Variants in TDRD1 observed in about 807,000 individuals in gnomAD.
TDRD1 encodes the protein tudor domain-containing protein 1.
TDRD1 carries 37 observed loss-of-function variants against 140.6 expected under a neutral mutation model. The observed-to-expected ratio is 0.26, with a 90% CI of 0.20 to 0.35. The LOEUF is 0.35. TDRD1 is among the 10% of genes least tolerant of loss of function. The probability of loss-of-function intolerance (pLI) is 1.00; values close to 1 mark genes in which losing one functional copy is unlikely to be tolerated. For synonymous variants in TDRD1, 506 were observed against 475.7 expected (o/e 1.06, Z -0.83); for missense variants, 1,243 against 1,393.0 (o/e 0.89, Z 1.71).
chr10:114,229,966 G>A (rs1209230438), intron 25 of TDRD1, among the ~76,000 whole-genome samples: 2 of 151,998 alleles, frequency 1.3e-5, no homozygotes, highest in Non-Finnish European at 2.9e-5. Context: ...AAGTAGCTGG[G>A]ACTATAGGTG....
At chr10:114,192,829 A>G (rs998440756) in intron 3 of TDRD1, among the ~76,000 whole-genome samples, 1 of 152,200 alleles carries the variant, frequency 6.6e-6, no homozygotes, top group East Asian at 1.9e-4. Flanking sequence ...AGTACCACAC[A>G]GTCTTGATTC....
At chr10:114,188,654 C>G (rs945524523) in intron 2 of TDRD1, among the ~76,000 whole-genome samples, 1 of 152,012 alleles carries the variant, frequency 6.6e-6, no homozygotes, top group Non-Finnish European at 1.5e-5. Context: ...GTCAGGAGTT[C>G]GAGACCAGCT....
chr10:114,179,692 A>G (rs917338861), intron 1 of TDRD1: 1 of 152,244 alleles, frequency 6.6e-6, no homozygotes, highest in East Asian at 1.9e-4. Flanking sequence ...ATGTGGATTC[A>G]GTGCCTTCGT....
Position 114,227,069 on chromosome 10 carries a change from C to A in TDRD1, c.3176-3C>A. 1 of 1,434,826 alleles carries A rather than the reference C, an allele frequency of 7.0e-7. No individual in the cohort carries two copies. Among genetic ancestry groups the A allele is most frequent in the Non-Finnish European group, 9.7e-7 (1 of 1,030,368 alleles). 88.9% of individuals were successfully genotyped at this position (1,434,826 alleles called of 1,614,324 possible). A position where few individuals can be genotyped will look rare whatever the true frequency, so the allele number is the denominator to read the frequency against. On this transcript the variant is annotated splice_polypyrimidine_tract_variant and splice_region_variant and intron_variant, in intron 22 of 25. Coordinates refer to ENST00000251864, the Ensembl canonical transcript of TDRD1. ...AAAAGACTATAATATCTATTTTTTC[C>A]AGGATTAATGGAATTGAATGGAAGC...
chr10:114,195,407 T>C (rs2034274664), intron 3 of TDRD1, among the ~76,000 whole-genome samples: 2 of 152,202 alleles, frequency 1.3e-5, no homozygotes, highest in African/African-American at 4.8e-5. Flanking sequence ...TCTAGTCATG[T>C]CAATTGTTGA....
In TDRD1 at chr10:114,226,285, C is replaced by T. The variant is rs1312562919; in HGVS notation, c.3175+69C>T. On this transcript the variant is annotated intron_variant, in intron 22 of 25. Coordinates refer to ENST00000251864, the Ensembl canonical transcript of TDRD1. ...TTTTTTTCCTCTTTATGTTTCATAG[C>T]TCTAAGTCGGAATCAAATGGGTATT... 2.7e-6 allele frequency: 3 copies of T among 1,129,214 alleles called. No homozygotes were observed. In the African/African-American group the frequency reaches 4.8e-5, roughly 18 times the overall value. 69.9% of individuals were successfully genotyped at this position (1,129,214 alleles called of 1,614,324 possible).
chr10:114,179,396 G>A (rs1359220070), exon 1 of TDRD1: 1 of 152,406 alleles, frequency 6.6e-6, no homozygotes. Flanking sequence ...TCGGATCCGC[G>A]GTCCTCTTGC....
exon 20 of TDRD1, chr10:114,221,384 C>T (rs755901940): frequency 1.2e-6 from 2 of 1,612,504 alleles, no homozygotes; most frequent in Middle Eastern, 1.7e-4. Context: ...CAATGGAAGA[C>T]GATAGAATTG....
At chr10:114,186,772 G>A (rs117707635) in intron 1 of TDRD1, among the ~76,000 whole-genome samples, 4,284 of 152,176 alleles carry the variant, frequency 0.028, 83 homozygotes, top group South Asian at 0.052. Context: ...CCCTACTTTC[G>A]AGGGTGCCTG....
chr10:114,192,292 C>CTTTTTTTTTTTTTTTTT (rs938140798), intron 3 of TDRD1, among the ~76,000 whole-genome samples: 3 of 75,112 alleles, frequency 4.0e-5, no homozygotes, highest in Non-Finnish European at 5.1e-5. Context: ...GATAGTTTTC[C>CTTTTTTTTTTTTTTTTT]TTTTTTTTTT....
chr10:114,199,285 G>C, exon 4 of TDRD1: 1 of 1,612,412 alleles, frequency 6.2e-7, no homozygotes, highest in Non-Finnish European at 8.5e-7. Flanking sequence ...CCTCCTCTTC[G>C]GTCCACAACT....
At chr10:114,189,227 C>A (rs1376894326) in intron 2 of TDRD1, among the ~76,000 whole-genome samples, 2 of 152,190 alleles carry the variant, frequency 1.3e-5, no homozygotes, top group African/African-American at 4.8e-5. Flanking sequence ...AAATCTTGAT[C>A]ATTGTGTGCA....
At chr10:114,185,582 T>A (rs1346404846) in intron 1 of TDRD1, among the ~76,000 whole-genome samples, 1 of 152,138 alleles carries the variant, frequency 6.6e-6, no homozygotes, top group African/African-American at 2.4e-5. Context: ...TAACATTATA[T>A]CTTTTTTGTT....
rs923503936 is a variant in TDRD1, at chr10:114,203,937, T to A, written c.982-136T>A. ...ATTTCTTAGCAAGATTCTTAAAAAA[T>A]TAAGTTGGCTTATTAATTGAGTGCC... On this transcript the variant is annotated intron_variant, in intron 8 of 25. Transcript: ENST00000251864. 3 of 1,026,090 alleles carry A rather than the reference T, an allele frequency of 2.9e-6. No homozygotes were observed. The African/African-American group carries it at 5.0e-5, about 17-fold the overall frequency. 63.6% of individuals were successfully genotyped at this position (1,026,090 alleles called of 1,614,324 possible).
intron 13 of TDRD1, 112 bp downstream of exon 13, chr10:114,211,079 A>T: frequency 1.3e-6 from 1 of 799,590 alleles, no homozygotes; most frequent in Non-Finnish European, 1.9e-6. Flanking sequence ...GGCTGGATTT[A>T]AAGCTTGAAT....
At chr10:114,193,896 C>T (rs934030937) in intron 3 of TDRD1, among the ~76,000 whole-genome samples, 1 of 152,044 alleles carries the variant, frequency 6.6e-6, no homozygotes. Flanking sequence ...CTTTTCTGAT[C>T]CTTTTTATCA....
At chr10:114,220,719 A>G (rs1403717217) in exon 19 of TDRD1, 1 of 1,613,664 alleles carries the variant, frequency 6.2e-7, no homozygotes, top group Non-Finnish European at 8.5e-7. Flanking sequence ...GTTATCCCAG[A>G]ATAATTAGTG....
At chr10:114,174,992 T>C (rs1178798976), upstream of TDRD1, among the ~76,000 whole-genome samples, 1 of 152,164 alleles carries the variant, frequency 6.6e-6, no homozygotes, top group Non-Finnish European at 1.5e-5. Flanking sequence ...TGAATGAAAA[T>C]AGCTGATGCA....
At chr10:114,200,638 C>T (rs1434571294) in intron 4 of TDRD1, among the ~76,000 whole-genome samples, 3 of 152,084 alleles carry the variant, frequency 2.0e-5, no homozygotes, top group Non-Finnish European at 4.4e-5. Flanking sequence ...ATTCTCCTGC[C>T]TCAGCCTTCC....
Sources: gnomAD v4.1 joint callset for allele counts (sites outside exome capture counted in the v4.1 genomes callset) on GRCh38, gnomAD v4.1.1 for gene constraint, MANE v1.5 for transcripts, NCBI Gene and HGNC (gene_info 2026-07-23, HGNC 2026-07-21) for gene names.